Variants in ANK2 observed in about 807,000 individuals in gnomAD.
The protein encoded by ANK2 is ankyrin 2, also known as ankyrin-2.
ANK2 carries 83 observed loss-of-function variants against 360.5 expected under a neutral mutation model. That is an observed-to-expected ratio of 0.23 (90% CI 0.19 to 0.28). The LOEUF is 0.28. ANK2 is among the 10% of genes least tolerant of loss of function. The pLI is 1.00. For synonymous variants in ANK2, 1,740 were observed against 1,759.5 expected, an observed-to-expected ratio of 0.99 and a Z score of 0.28; for missense variants, 4,201 against 4,795.7, an observed-to-expected ratio of 0.88 and a Z score of 3.66.
chr4:113,181,706 G>A (rs986015582), intron 2 of ANK2, among the ~76,000 whole-genome samples: 4 of 152,100 alleles, frequency 2.6e-5, no homozygotes, highest in African/African-American at 9.7e-5. Flanking sequence ...TGCTGTGGAG[G>A]GAGCACACTT....
At position 113,143,965 on chromosome 4, in the gene ANK2, T is replaced by A. The variant is rs114559599; in HGVS notation, c.85-30451T>A. Among the ~76,000 whole-genome samples, 1,145 of 152,308 alleles carry A rather than the reference T, an allele frequency of 7.5e-3. 17 individuals carry two copies. The highest frequency in any genetic ancestry group is 0.026 in the African/African-American group (1,092 of 41,566). On this transcript the variant is annotated intron_variant, in intron 1 of 45. Coordinates refer to ENST00000357077, the MANE Select transcript of ANK2 (RefSeq NM_001148.6). ...TGATGTATCCCAGCCAACAGTCTAATCTTGTCACTGATTTTGAAGCATCAT... is the reference window on the plus strand; with the variant it reads ...TGATGTATCCCAGCCAACAGTCTAAACTTGTCACTGATTTTGAAGCATCAT...
At chr4:113,033,138 A>C (rs2060775742) in intron 2 of ANK2, among the ~76,000 whole-genome samples, 1 of 152,052 alleles carries the variant, frequency 6.6e-6, no homozygotes, top group East Asian at 1.9e-4. Flanking sequence ...GGAACTTGAT[A>C]AATAGGGACC....
At chr4:112,784,831 AT>A in the ANK2 span, among the ~76,000 whole-genome samples, 3 of 152,096 alleles carry the variant, frequency 2.0e-5, no homozygotes, top group Admixed American at 1.3e-4. Flanking sequence ...CTTTCTGAAA[AT>A]TTTCCAAGTG....
Position 113,358,700 on chromosome 4 carries a change from T to G in ANK2, c.10082T>G (p.Leu3361Arg). 1 of 1,614,008 alleles carries G rather than the reference T, an allele frequency of 6.2e-7. No individual in the cohort carries two copies. The highest frequency in any genetic ancestry group is 8.5e-7 in the Non-Finnish European group (1 of 1,179,950). Residue 3361 changes from leucine (L) to arginine (R), a missense_variant, in exon 38 of 46, where the codon CTC becomes CGC. Physicochemically the swap from Leu to Arg is moderately radical, Grantham distance 102. This residue lies in a region of ANK2 where 2,642 missense variants were observed against 2,714.5 expected (regional missense o/e 0.97). Coordinates refer to ENST00000357077, the MANE Select transcript of ANK2 (RefSeq NM_001148.6). ...KVPLQRVEQQ[L>R]SDLDTSVQKT... ...CCCCTCCAAAGAGTTGAACAGCAGCTCTCAGATCTAGACACCTCTGTCCAG... is the reference window on the plus strand; with the variant it reads ...CCCCTCCAAAGAGTTGAACAGCAGCGCTCAGATCTAGACACCTCTGTCCAG...
In ANK2 at chr4:113,249,870, A is replaced by C. The variant is rs2045187756; in HGVS notation, c.990+8A>C. The C allele has an allele frequency of 6.2e-7, 1 of 1,611,916 alleles. No individual in the cohort carries two copies. ...TTGCTGGCAAGGACTAAGGTGAGTCATTATGAGTAAGATGGGGTCCTAAGA... is the reference window on the plus strand; with the variant it reads ...TTGCTGGCAAGGACTAAGGTGAGTCCTTATGAGTAAGATGGGGTCCTAAGA... On this transcript the variant is annotated splice_region_variant and intron_variant, in intron 10 of 45. Coordinates refer to ENST00000357077, the MANE Select transcript of ANK2 (RefSeq NM_001148.6).
At chr4:113,017,156 G>A (rs1335666021) in intron 2 of ANK2, among the ~76,000 whole-genome samples, 1 of 152,090 alleles carries the variant, frequency 6.6e-6, no homozygotes, top group East Asian at 1.9e-4. Flanking sequence ...ATATGTTGCT[G>A]TATTTTCTCT....
chr4:112,881,635 G>T (rs1262635096), intron 1 of ANK2: 1 of 366,932 alleles, frequency 2.7e-6, no homozygotes, highest in Admixed American at 4.4e-5. Flanking sequence ...ACTCTTTGTT[G>T]GAATGCTTTA....
At position 113,287,587 on chromosome 4, in the gene ANK2, G is replaced by T. The variant is rs199937888; in HGVS notation, c.2080-18G>T. 1.3e-4 allele frequency: 199 copies of T among 1,543,452 alleles called. 1 individual carries two copies. In the East Asian group the frequency reaches 4.0e-3, roughly 31 times the overall value. ...TTTCTTCTTCAACTGTATCCCTTTG[G>T]TTCCATTCTTTCTGTAGAGTGGACT... On this transcript the variant is annotated intron_variant, in intron 18 of 45. Coordinates refer to ENST00000357077, the MANE Select transcript of ANK2 (RefSeq NM_001148.6).
At chr4:112,854,597 GTGACTAAATGGC>G (rs1417458878) in intron 1 of ANK2, among the ~76,000 whole-genome samples, 3 of 152,176 alleles carry the variant, frequency 2.0e-5, no homozygotes, top group Admixed American at 1.3e-4. Context: ...ACATGACTTA[GTGACTAAATGGC>G]TGTCTGAATG....
intron 14 of ANK2, among the ~76,000 whole-genome samples, chr4:113,270,750 G>A (rs2058198209): frequency 6.6e-6 from 1 of 152,146 alleles, no homozygotes; most frequent in South Asian, 2.1e-4. Context: ...CATATTGTAA[G>A]TCAGTTCTGC....
intron 1 of ANK2, among the ~76,000 whole-genome samples, chr4:112,874,877 A>C (rs62317087): frequency 0.2 from 30,848 of 151,994 alleles, 3,229 homozygotes; most frequent in Non-Finnish European, 0.22. Flanking sequence ...AATTCCTTGT[A>C]CTTAGTAGCT....
the ANK2 span, among the ~76,000 whole-genome samples, chr4:112,740,401 C>T: frequency 6.6e-6 from 1 of 151,910 alleles, no homozygotes; most frequent in Non-Finnish European, 1.5e-5. Flanking sequence ...CCATGCCTGG[C>T]TAACTTAAAA....
At chr4:112,760,267 A>C in the ANK2 span, among the ~76,000 whole-genome samples, 16 of 151,082 alleles carry the variant, frequency 1.1e-4, no homozygotes, top group South Asian at 1.9e-3. Flanking sequence ...GCTCACTGCA[A>C]GCTCCGCCTC....
Position 113,331,959 on chromosome 4 carries a change from T to G in ANK2, c.3126-13T>G. 6.2e-7 allele frequency: 1 copy of G among 1,607,764 alleles called. No individual in the cohort carries two copies. Among genetic ancestry groups the G allele is most frequent in the Non-Finnish European group, 8.5e-7 (1 of 1,174,338 alleles). On this transcript the variant is annotated splice_polypyrimidine_tract_variant and intron_variant, in intron 27 of 45. Transcript: ENST00000357077. ...TATGTTCTTTCTTTCACTGCTGCTT[T>G]GGATGTACTCAGTAAACTTCACCTG...
chr4:112,812,866 T>A, the ANK2 span, among the ~76,000 whole-genome samples: 1 of 152,292 alleles, frequency 6.6e-6, no homozygotes, highest in South Asian at 2.1e-4. Context: ...TCTTATACAT[T>A]CTCTGCCTCA....
chr4:112,773,343 A>C, the ANK2 span, among the ~76,000 whole-genome samples: 3 of 152,208 alleles, frequency 2.0e-5, no homozygotes, highest in Non-Finnish European at 4.4e-5. Context: ...ACACAGAAAA[A>C]TATAAACAAG....
chr4:113,338,822 T>C (rs553456381), intron 31 of ANK2, among the ~76,000 whole-genome samples: 9 of 152,238 alleles, frequency 5.9e-5, no homozygotes, highest in Admixed American at 2.0e-4. Context: ...GTGCTGGGAT[T>C]ACAGGCATGA....
Position 113,354,831 on chromosome 4 carries a change from C to G in ANK2, c.6213C>G (p.Ser2071=), listed in dbSNP as rs777757295. ...TAESKRGVRV[S]SIGVKKEDAA... is the part of the protein sequence containing the mutation. ...AATCCAAAAGAGGAGTTCGTGTTTC[C>G]TCCATAGGAGTTAAGAAAGAAGATG... Residue 2071 remains serine (S), a synonymous_variant, in exon 38 of 46, where the codon TCC becomes TCG. Coordinates refer to ENST00000357077, the MANE Select transcript of ANK2 (RefSeq NM_001148.6). 7.4e-6 allele frequency: 12 copies of G among 1,613,986 alleles called. No individual in the cohort carries two copies. Among genetic ancestry groups the G allele is most frequent in the Middle Eastern group, 1.6e-4 (1 of 6,082 alleles).
chr4:112,718,924 ACC>A, the ANK2 span, among the ~76,000 whole-genome samples: 1 of 69,084 alleles, frequency 1.4e-5, no homozygotes, highest in African/African-American at 7.3e-5. Context: ...GGCATGAGCC[ACC>A]GCACCCGGTC....
Sources: allele counts gnomAD v4.1 joint callset (sites outside exome capture counted in the v4.1 genomes callset), GRCh38; gene constraint gnomAD v4.1.1; regional missense constraint gnomAD v4.1.1; transcripts MANE v1.5; gene names NCBI Gene and HGNC (gene_info 2026-07-23, HGNC 2026-07-21).